Variants in KLHL7 observed in about 807,000 individuals in gnomAD.
KLHL7 encodes the protein kelch-like protein 7.
In KLHL7, 44 loss-of-function variants were observed where a neutral mutation model predicts 67.4. That is an observed-to-expected ratio of 0.65 (90% CI 0.51 to 0.84). The LOEUF is 0.84. Ranked by LOEUF, KLHL7 falls within the 40% of genes least tolerant of loss-of-function variation. The pLI is 0.00. For synonymous variants in KLHL7, 252 were observed against 243.3 expected (o/e 1.04, Z -0.33); for missense variants, 362 against 718.1 (o/e 0.50, Z 5.67).
At chr7:23,147,094 CTTT>C (rs397889904) in intron 6 of KLHL7, among the ~76,000 whole-genome samples, 1 of 118,574 alleles carries the variant, frequency 8.4e-6, no homozygotes. Context: ...TTAACCTGGA[CTTT>C]TTTTTTTTTT....
At chr7:23,173,285 A>G (rs750469058) in intron 10 of KLHL7, among the ~76,000 whole-genome samples, 8 of 152,204 alleles carry the variant, frequency 5.3e-5, no homozygotes, top group Non-Finnish European at 1.2e-4. Context: ...GCTCCTATAC[A>G]TTCCCAGATA....
At chr7:23,134,104 A>T (rs1260231892) in intron 4 of KLHL7, among the ~76,000 whole-genome samples, 1 of 151,956 alleles carries the variant, frequency 6.6e-6, no homozygotes, top group Non-Finnish European at 1.5e-5. Flanking sequence ...TATGGCTTTT[A>T]TTATGTTGAG....
chr7:23,167,696 T>TTTG, intron 8 of KLHL7, 140 bp from the exon 9 acceptor site: 1 of 715,330 alleles, frequency 1.4e-6, no homozygotes, highest in Non-Finnish European at 2.4e-6. Flanking sequence ...ATTCCTACAC[T>TTTG]TTGTTGTTGT....
rs536881883 is a variant in KLHL7 at position 23,163,939 on chromosome 7, G to A, written c.937-1759G>A. On this transcript the variant is annotated intron_variant, in intron 7 of 10. Transcript: ENST00000339077. ...CTGACCCTGCCCACACACATATACC[G>A]TCCCATCTGTGACTCTACTGTTATT... Among the ~76,000 whole-genome samples the A allele has an allele frequency of 7.2e-5, 11 of 152,028 alleles. No homozygotes were observed. The South Asian group carries it at 1.0e-3, about 14-fold the overall frequency.
intron 1 of KLHL7, among the ~76,000 whole-genome samples, chr7:23,109,302 C>G (rs1782769195): frequency 6.6e-6 from 1 of 152,126 alleles, no homozygotes; most frequent in Non-Finnish European, 1.5e-5. Flanking sequence ...TAACTTTTTG[C>G]TTAGATTAAT....
At chr7:23,161,944 T>G (rs902260323) in intron 7 of KLHL7, among the ~76,000 whole-genome samples, 29 of 152,218 alleles carry the variant, frequency 1.9e-4, no homozygotes, top group African/African-American at 7.0e-4. Flanking sequence ...TTTTGGCAGT[T>G]GAGCGTTGTG....
Position 23,125,781 on chromosome 7 carries a change from C to A in KLHL7, c.442+609C>A, listed in dbSNP as rs939206213. 1.1e-5 allele frequency: 17 copies of A among 1,511,978 alleles called. No homozygotes were observed. In the African/African-American group the frequency reaches 2.1e-4, roughly 19 times the overall value. The allele number at this position is 1,511,978 out of a possible 1,614,324, so 93.7% of individuals were successfully genotyped here. A position where few individuals can be genotyped will look rare whatever the true frequency, so the allele number is the denominator to read the frequency against. On this transcript the variant is annotated intron_variant, in intron 4 of 10. Transcript: ENST00000339077. Reference sequence around the variant, plus strand: ...GATAGGAGAAGCAGAAAAAGTTGATCAGAGCCTTCCAGAGTGTGGTATGCT... The same window carrying A: ...GATAGGAGAAGCAGAAAAAGTTGATAAGAGCCTTCCAGAGTGTGGTATGCT...
At chr7:23,149,526 AC>A (rs1248883179) in intron 6 of KLHL7, among the ~76,000 whole-genome samples, 2 of 152,034 alleles carry the variant, frequency 1.3e-5, no homozygotes, top group African/African-American at 4.8e-5. Context: ...TGGCTCTCAA[AC>A]CCCTCCCTAG....
intron 1 of KLHL7, among the ~76,000 whole-genome samples, chr7:23,116,620 C>T (rs918068795): frequency 6.6e-6 from 1 of 152,120 alleles, no homozygotes; most frequent in Admixed American, 6.5e-5. Context: ...ATACATATTC[C>T]TCTAATGCCT....
At position 23,105,946 on chromosome 7, in the gene KLHL7, G is replaced by A; in HGVS notation, c.-81G>A. ...GCACTGCCGATCGCCGTGTTTGGTCGATAGAATCCCCAGTGTGCCCAGAGA... is the reference window on the plus strand; with the variant it reads ...GCACTGCCGATCGCCGTGTTTGGTCAATAGAATCCCCAGTGTGCCCAGAGA... On this transcript the variant is annotated 5_prime_UTR_variant, in exon 1 of 11. Transcript: ENST00000339077. 3.8e-6 allele frequency: 6 copies of A among 1,559,698 alleles called. No homozygotes were observed. Among genetic ancestry groups the A allele is most frequent in the Non-Finnish European group, 5.2e-6 (6 of 1,157,170 alleles).
intron 7 of KLHL7, chr7:23,155,929 C>T: frequency 3.3e-6 from 1 of 305,128 alleles, no homozygotes; most frequent in South Asian, 1.9e-5. Flanking sequence ...TGGGATGACT[C>T]TTAGCACTTT....
At chr7:23,135,702 C>G (rs1401412031) in intron 4 of KLHL7, among the ~76,000 whole-genome samples, 1 of 152,240 alleles carries the variant, frequency 6.6e-6, no homozygotes, top group Non-Finnish European at 1.5e-5. Context: ...AGGGCCTACT[C>G]TGTCCCGGCT....
intron 7 of KLHL7, among the ~76,000 whole-genome samples, chr7:23,164,493 T>C (rs1024120455): frequency 6.6e-6 from 1 of 152,222 alleles, no homozygotes; most frequent in Non-Finnish European, 1.5e-5. Flanking sequence ...GAAAATATTT[T>C]CCCCCAGTTT....
At chr7:23,119,705 C>T (rs151203294) in intron 1 of KLHL7, among the ~76,000 whole-genome samples, 292 of 152,286 alleles carry the variant, frequency 1.9e-3, no homozygotes, top group Non-Finnish European at 2.9e-3. Flanking sequence ...TATCAAATTG[C>T]CACTTAATGA....
At position 23,175,492 on chromosome 7, in the gene KLHL7, T is replaced by C; in HGVS notation, c.*1194T>C. On this transcript the variant is annotated 3_prime_UTR_variant, in exon 11 of 11. Coordinates refer to ENST00000339077, the MANE Select transcript of KLHL7 (RefSeq NM_001031710.3). Reference sequence around the variant, plus strand: ...TTTAGAATTTGTGAACCAGTGTCTCTTAATTTTCAGTTTTCTTTATATAGA... The same window carrying C: ...TTTAGAATTTGTGAACCAGTGTCTCCTAATTTTCAGTTTTCTTTATATAGA... 2 of 377,248 alleles carry C rather than the reference T, an allele frequency of 5.3e-6. No homozygotes were observed. The highest frequency in any genetic ancestry group is 4.2e-5 in the South Asian group (2 of 47,698). The allele number at this position is 377,248 out of a possible 1,614,324, so 23.4% of individuals were successfully genotyped here.
intron 4 of KLHL7, among the ~76,000 whole-genome samples, chr7:23,139,259 T>A (rs1422187856): frequency 2.6e-5 from 4 of 152,182 alleles, no homozygotes; most frequent in African/African-American, 9.7e-5. Flanking sequence ...ATAATAATGC[T>A]TTGTGACCAG....
chr7:23,167,687 T>C, intron 8 of KLHL7, 149 bp from the exon 9 acceptor site: 7 of 691,872 alleles, frequency 1.0e-5, no homozygotes, highest in Non-Finnish European at 1.8e-5. Context: ...TCTTAAACTA[T>C]TCCTACACTT....
At chr7:23,138,065 A>G (rs528987901) in intron 4 of KLHL7, among the ~76,000 whole-genome samples, 3 of 151,818 alleles carry the variant, frequency 2.0e-5, no homozygotes, top group African/African-American at 4.8e-5. Flanking sequence ...AATCCCAGCT[A>G]CTCAGGAGGC....
At chr7:23,172,760 C>T (rs919997740) in intron 9 of KLHL7, 188 bp from the exon 10 acceptor site, 6 of 532,944 alleles carry the variant, frequency 1.1e-5, no homozygotes, top group East Asian at 3.1e-5. Context: ...ATGTTTTCCC[C>T]GTGTATTAAT....
Sources: gnomAD v4.1 joint callset for allele counts (sites outside exome capture counted in the v4.1 genomes callset) on GRCh38, gnomAD v4.1.1 for gene constraint, MANE v1.5 for transcripts, NCBI Gene and HGNC (gene_info 2026-07-23, HGNC 2026-07-21) for gene names.